Variants in SYNJ2 observed in about 807,000 individuals in gnomAD.
The protein encoded by SYNJ2 is synaptojanin 2, also known as polyphosphatidylinositol phosphatase SYNJ2.
In SYNJ2, 116 loss-of-function variants were observed where a neutral mutation model predicts 141.3. The observed-to-expected ratio is 0.82, with a 90% CI of 0.71 to 0.96. The LOEUF (loss-of-function observed/expected upper bound fraction) is 0.96. Among genes scored for constraint, SYNJ2 ranks in the 40% least tolerant of loss-of-function variants. SYNJ2 has a pLI of 0.00. For synonymous variants in SYNJ2, 745 were observed against 777.7 expected (o/e 0.96, Z 0.70); for missense variants, 1,873 against 1,934.8 (o/e 0.97, Z 0.60).
chr6:158,071,466 C>G lies in SYNJ2; in HGVS notation c.1941-136C>G. On this transcript the variant is annotated intron_variant, in intron 14 of 26. Coordinates refer to ENST00000355585, the MANE Select transcript of SYNJ2 (RefSeq NM_003898.4). The surrounding 1 kb of genome is among the most constrained non-coding windows in gnomAD (Gnocchi z 4.3). ...CAGGAGTCGATGACGGCCACGGTGG[C>G]CACTGTGTTGAGCTGATGATTTTGG... 1.0e-6 allele frequency: 1 copy of G among 996,052 alleles called. No individual in the cohort carries two copies. The highest frequency in any genetic ancestry group is 1.4e-6 in the Non-Finnish European group (1 of 693,692). 61.7% of individuals were successfully genotyped at this position (996,052 alleles called of 1,614,324 possible).
chr6:158,029,225 GC>G, intron 3 of SYNJ2, 199 bp downstream of exon 3: 1 of 667,530 alleles, frequency 1.5e-6, no homozygotes, highest in Non-Finnish European at 2.4e-6. Flanking sequence ...CCCACCCCTG[GC>G]CCCTGGAATG....
In SYNJ2 at chr6:158,040,545, A is replaced by G. The variant is rs1385489520; in HGVS notation, c.712-2771A>G. Among the ~76,000 whole-genome samples the G allele has an allele frequency of 6.6e-6, 1 of 151,422 alleles. No individual in the cohort carries two copies. The highest frequency in any genetic ancestry group is 1.9e-4 in the East Asian group (1 of 5,182). On this transcript the variant is annotated intron_variant, in intron 4 of 26. Coordinates refer to ENST00000355585, the MANE Select transcript of SYNJ2 (RefSeq NM_003898.4). This position sits in a 1 kb window ranked among gnomAD's most constrained non-coding sequence, Gnocchi z 4.2. ...CCCCTCAGTCTATTAAAAAAAAAAA[A>G]GGATGTAAGATAAATATTTGGCTAT...
chr6:158,017,376 T>C, intron 2 of SYNJ2, 86 bp downstream of exon 2: 1 of 1,412,550 alleles, frequency 7.1e-7, no homozygotes, highest in Non-Finnish European at 9.3e-7. Context: ...AGTGCAGGCA[T>C]TCTGTTTGAC....
intron 1 of SYNJ2, among the ~76,000 whole-genome samples, chr6:158,009,301 G>A (rs993569181): frequency 2.0e-5 from 3 of 152,130 alleles, no homozygotes; most frequent in Non-Finnish European, 4.4e-5. Context: ...GCTGTGCCTC[G>A]GCAGTGCCCC....
Position 158,070,042 on chromosome 6 carries a change from C to CTTTTAAAGAA in SYNJ2, c.1940+373_1940+374insAAAGAATTTT, listed in dbSNP as rs1781820674. ...CTGGGAAATGCCAACTCTTTTGTCC[C>CTTTTAAAGAA]TTTTTAAAAGAATTCTAAGTAGAAC... is the stretch of plus-strand genomic sequence containing the variant. On this transcript the variant is annotated intron_variant, in intron 14 of 26. Transcript: ENST00000355585. This position sits in a 1 kb window ranked among gnomAD's most constrained non-coding sequence, Gnocchi z 4.0. The CTTTTAAAGAA allele has an allele frequency of 6.8e-6, 5 of 732,950 alleles. 1 individual carries two copies. In the African/African-American group the frequency reaches 9.5e-5, roughly 14 times the overall value. The allele number at this position is 732,950 out of a possible 1,614,324, so 45.4% of individuals were successfully genotyped here.
chr6:158,083,669 T>C, intron 21 of SYNJ2, 72 bp downstream of exon 21: 1 of 1,585,142 alleles, frequency 6.3e-7, no homozygotes, highest in Non-Finnish European at 8.6e-7. Flanking sequence ...AAGGACACCT[T>C]CTAAAGCCTC....
Position 158,043,481 on chromosome 6 carries a change from T to C in SYNJ2, c.795+82T>C, listed in dbSNP as rs1484603612. ...CTTCAATAGCTGGGGAAGATTTCTTTTAACACGTTCGTTTCATGGCATAGT... is the reference window on the plus strand; with the variant it reads ...CTTCAATAGCTGGGGAAGATTTCTTCTAACACGTTCGTTTCATGGCATAGT... On this transcript the variant is annotated intron_variant, in intron 5 of 26. Transcript: ENST00000355585. This position sits in a 1 kb window ranked among gnomAD's most constrained non-coding sequence, Gnocchi z 4.0. 1 of 1,021,008 alleles carries C rather than the reference T, an allele frequency of 9.8e-7. No homozygotes were observed. Among genetic ancestry groups the C allele is most frequent in the East Asian group, 2.4e-5 (1 of 41,200 alleles). The allele number at this position is 1,021,008 out of a possible 1,614,324, so 63.2% of individuals were successfully genotyped here.
At chr6:157,994,584 G>A (rs555370225) in intron 1 of SYNJ2, among the ~76,000 whole-genome samples, 1 of 152,298 alleles carries the variant, frequency 6.6e-6, no homozygotes, top group South Asian at 2.1e-4. Context: ...ACCACAGCTG[G>A]GTGGAAAATG....
chr6:158,078,233 GT>G lies in SYNJ2; in HGVS notation c.2520del (p.Ala841ProfsTer53). 6.2e-7 allele frequency: 1 copy of G among 1,614,082 alleles called. No individual in the cohort carries two copies. Among genetic ancestry groups the G allele is most frequent in the Non-Finnish European group, 8.5e-7 (1 of 1,179,980 alleles). On this transcript the variant is annotated frameshift_variant, in exon 18 of 27. Transcript: ENST00000355585. LOFTEE classifies it high-confidence loss of function. ...DTKVRHTWSP[G>X]ALQYYGRAEL... The stretch of plus-strand genomic sequence containing the variant: ...AAAGTCAGACACACCTGGTCTCCTG[GT>G]GCCCTGCAGTATTATGGTCGTGCGG...
intron 15 of SYNJ2, among the ~76,000 whole-genome samples, chr6:158,073,103 G>T (rs983925043): frequency 6.7e-6 from 1 of 149,998 alleles, no homozygotes; most frequent in East Asian, 1.9e-4. Context: ...CTTTGACATA[G>T]TAAACTTGGG....
chr6:158,081,988 G>C (rs1183121747), intron 20 of SYNJ2, among the ~76,000 whole-genome samples: 1 of 152,144 alleles, frequency 6.6e-6, no homozygotes, highest in African/African-American at 2.4e-5. Context: ...GCCATATGCG[G>C]GAGGGAGTTT....
chr6:158,093,891 G>GT (rs1562414130), intron 26 of SYNJ2: 1 of 764,960 alleles, frequency 1.3e-6, no homozygotes, highest in African/African-American at 1.7e-5. Context: ...CTTGCAGATT[G>GT]TTTTTTGCTC....
At chr6:158,065,700 G>A (rs141208435) in intron 11 of SYNJ2, among the ~76,000 whole-genome samples, 147 of 152,288 alleles carry the variant, frequency 9.7e-4, no homozygotes, top group African/African-American at 3.3e-3. Context: ...CACTGTCACC[G>A]TCACTGGGGG....
At chr6:158,046,242 G>A (rs897526882) in intron 5 of SYNJ2, among the ~76,000 whole-genome samples, 5 of 151,698 alleles carry the variant, frequency 3.3e-5, no homozygotes, top group Admixed American at 2.0e-4. Context: ...CATCGCGCCC[G>A]GCCTCCATGG....
At chr6:158,048,838 C>T (rs1562356911) in intron 5 of SYNJ2, among the ~76,000 whole-genome samples, 1 of 152,208 alleles carries the variant, frequency 6.6e-6, no homozygotes, top group East Asian at 1.9e-4. Context: ...TTGGGACCAG[C>T]TGGGTGCACC....
intron 1 of SYNJ2, among the ~76,000 whole-genome samples, chr6:157,997,130 G>A (rs1430277816): frequency 6.6e-6 from 1 of 151,174 alleles, no homozygotes; most frequent in Non-Finnish European, 1.5e-5. Context: ...CCCATGCCTG[G>A]TTTCCTTTCT....
chr6:158,036,395 G>A (rs1779639128), intron 4 of SYNJ2, among the ~76,000 whole-genome samples: 1 of 152,180 alleles, frequency 6.6e-6, no homozygotes, highest in Non-Finnish European at 1.5e-5. Context: ...ACTGGATAAA[G>A]AAAATGTGGT....
rs113715272 is a variant in SYNJ2, at chr6:158,096,031, T to C, written c.4158T>C (p.Thr1386=). The change falls in exon 27 of 27, where the codon ACT becomes ACC. Residue 1386 remains threonine (T), a synonymous_variant. Coordinates refer to ENST00000355585, the MANE Select transcript of SYNJ2 (RefSeq NM_003898.4). Reference sequence around the variant, plus strand: ...TCCCACAAGGGGACTTTCTCAGCACTTCATCTGCTACAAGCCCCGACAGCG... The same window carrying C: ...TCCCACAAGGGGACTTTCTCAGCACCTCATCTGCTACAAGCCCCGACAGCG... ...TVFPQGDFLS[T]SSATSPDSDG... The C allele has an allele frequency of 1.5e-3, 2,434 of 1,614,226 alleles. 33 individuals are homozygous for C. In the African/African-American group the frequency reaches 0.029, roughly 19 times the overall value.
chr6:158,028,422 C>T (rs1779173662), intron 2 of SYNJ2: 4 of 351,830 alleles, frequency 1.1e-5, no homozygotes, highest in Admixed American at 8.4e-5. Context: ...AATTTTCAGA[C>T]TCCTGGGGGC....
Sources: gnomAD v4.1 joint callset for allele counts (sites outside exome capture counted in the v4.1 genomes callset) on GRCh38, gnomAD v4.1.1 for gene constraint, Gnocchi (gnomAD v3.1) non-coding constraint, MANE v1.5 for transcripts, NCBI Gene and HGNC (gene_info 2026-07-23, HGNC 2026-07-21) for gene names.